BCAT1: variants seen among roughly 807,000 people sequenced by gnomAD.
BCAT1 encodes branched-chain-amino-acid aminotransferase, cytosolic.
Under a neutral mutation model 52.4 loss-of-function variants are expected in BCAT1, and 48 were observed. That is an observed-to-expected ratio of 0.92 (90% CI 0.73 to 1.16). The LOEUF (loss-of-function observed/expected upper bound fraction) is 1.16, where lower values mean the gene tolerates loss of function less well. Ranked by LOEUF, BCAT1 falls within the 50% of genes most tolerant of loss-of-function variation. BCAT1 has a pLI of 0.00. For synonymous variants in BCAT1, 167 were observed against 161.3 expected (o/e 1.04, Z -0.27); for missense variants, 451 against 457.1 (o/e 0.99, Z 0.12).
chr12:24,933,166 G>A (rs1328765901), intron 1 of BCAT1, among the ~76,000 whole-genome samples: 3 of 110,568 alleles, frequency 2.7e-5, no homozygotes, highest in African/African-American at 7.1e-5. Flanking sequence ...ATGAGGTTTC[G>A]CTATGTTGGC....
chr12:24,860,839 T>G (rs1475479183), intron 5 of BCAT1, among the ~76,000 whole-genome samples: 1 of 152,196 alleles, frequency 6.6e-6, no homozygotes, highest in Non-Finnish European at 1.5e-5. Flanking sequence ...ACACAACTCA[T>G]ACAAGTATTT....
chr12:24,842,327 A>AT, intron 6 of BCAT1, 103 bp from the exon 7 acceptor site: 1 of 1,293,640 alleles, frequency 7.7e-7, no homozygotes, highest in Non-Finnish European at 1.1e-6. Flanking sequence ...ATGTGGACAT[A>AT]GTGAAGGTAT....
intron 5 of BCAT1, among the ~76,000 whole-genome samples, chr12:24,852,095 C>A (rs1453772559): frequency 6.6e-6 from 1 of 152,106 alleles, no homozygotes; most frequent in East Asian, 1.9e-4. Context: ...TGTGGCACTT[C>A]CCCTGTGCTC....
intron 1 of BCAT1, among the ~76,000 whole-genome samples, chr12:24,935,057 G>A (rs2139750352): frequency 6.6e-6 from 1 of 152,284 alleles, no homozygotes; most frequent in South Asian, 2.1e-4. Context: ...AGTGACTGCA[G>A]GACATGACTG....
At chr12:24,851,536 A>T (rs541615842) in intron 5 of BCAT1, among the ~76,000 whole-genome samples, 4 of 152,346 alleles carry the variant, frequency 2.6e-5, no homozygotes, top group Admixed American at 2.0e-4. Flanking sequence ...AGGTAATTTC[A>T]TTAGCATTCC....
rs1264935361 is a variant in BCAT1, at chr12:24,836,934, GAA to G, written c.818-340_818-339del. ...AGAAAGAAAGAAAGAAAGAAAGAAA[GAA>G]AGAAAGAAAGAAAGAAAGAAAAGAG... On this transcript the variant is annotated intron_variant, in intron 7 of 10. Transcript: ENST00000261192. 3.0e-4 allele frequency among the ~76,000 whole-genome samples: 32 copies of G among 106,348 alleles called. 2 individuals are homozygous for G. Among genetic ancestry groups the G allele is most frequent in the African/African-American group, 1.0e-3 (32 of 30,642 alleles). 69.8% of individuals were successfully genotyped at this position (106,348 alleles called of 152,430 possible). A position where few individuals can be genotyped will look rare whatever the true frequency, so the allele number is the denominator to read the frequency against.
intron 5 of BCAT1, among the ~76,000 whole-genome samples, chr12:24,873,506 T>C (rs1182233411): frequency 2.0e-5 from 3 of 152,248 alleles, no homozygotes; most frequent in Non-Finnish European, 4.4e-5. Context: ...ATACTGATGC[T>C]ATACATTCAG....
At chr12:24,893,237 G>A (rs978903872) in intron 3 of BCAT1, among the ~76,000 whole-genome samples, 8 of 152,116 alleles carry the variant, frequency 5.3e-5, no homozygotes, top group African/African-American at 1.9e-4. Flanking sequence ...TGCTTCAAGA[G>A]TTAATTATTA....
chr12:24,878,500 A>C (rs747414941), intron 5 of BCAT1, 30 bp downstream of exon 5: 1 of 1,591,272 alleles, frequency 6.3e-7, no homozygotes, highest in African/African-American at 1.4e-5. Flanking sequence ...TGCCCAGCAA[A>C]GTACCCCAAA....
intron 5 of BCAT1, among the ~76,000 whole-genome samples, chr12:24,853,452 AG>A (rs1206338853): frequency 3.3e-5 from 5 of 152,180 alleles, no homozygotes; most frequent in Non-Finnish European, 7.4e-5. Flanking sequence ...ATTCCAAAAG[AG>A]GGGGAGGGGA....
chr12:24,867,017 G>C (rs1942039711), intron 5 of BCAT1, among the ~76,000 whole-genome samples: 1 of 152,120 alleles, frequency 6.6e-6, no homozygotes, highest in African/African-American at 2.4e-5. Flanking sequence ...TCACTGGGAA[G>C]GTCTGCAGCT....
At chr12:24,853,980 T>C (rs1941590933) in intron 5 of BCAT1, among the ~76,000 whole-genome samples, 1 of 152,232 alleles carries the variant, frequency 6.6e-6, no homozygotes, top group South Asian at 2.1e-4. Flanking sequence ...AATGATGATG[T>C]GTTTAAAAAA....
intron 1 of BCAT1, among the ~76,000 whole-genome samples, chr12:24,942,924 G>T (rs1943870286): frequency 6.6e-6 from 1 of 152,218 alleles, no homozygotes; most frequent in Non-Finnish European, 1.5e-5. Context: ...CAAACCATTG[G>T]TTGTTTATCT....
chr12:24,825,214 A>G (rs1217915019), intron 10 of BCAT1, among the ~76,000 whole-genome samples: 1 of 151,912 alleles, frequency 6.6e-6, no homozygotes, highest in East Asian at 1.9e-4. Context: ...GGTTAATTCC[A>G]TATCTTGGCT....
rs938419779 is a variant in BCAT1, at chr12:24,948,973, G to T, written c.-41C>A. ...GAGGGAAGCTCGAGCTGAGCGGAGG[G>T]CAGATCCCAAGGGTCGTAGCCCCTG... is the stretch of plus-strand genomic sequence containing the variant. On this transcript the variant is annotated 5_prime_UTR_variant, in exon 1 of 11. Coordinates refer to ENST00000261192, the MANE Select transcript of BCAT1 (RefSeq NM_005504.7). 1.9e-6 allele frequency: 3 copies of T among 1,583,322 alleles called. No individual in the cohort carries two copies. The highest frequency in any genetic ancestry group is 2.6e-6 in the Non-Finnish European group (3 of 1,164,370).
chr12:24,824,861 G>A (rs1317360601), intron 10 of BCAT1, among the ~76,000 whole-genome samples: 1 of 151,892 alleles, frequency 6.6e-6, no homozygotes, highest in Non-Finnish European at 1.5e-5. Flanking sequence ...TCAGTTTAAT[G>A]GTAATAAATA....
At chr12:24,883,462 G>A (rs1425963430) in intron 3 of BCAT1, among the ~76,000 whole-genome samples, 1 of 152,092 alleles carries the variant, frequency 6.6e-6, no homozygotes, top group African/African-American at 2.4e-5. Context: ...AGGGCTGAGT[G>A]AGATGGCTCA....
chr12:24,911,714 C>A (rs596765), intron 1 of BCAT1, among the ~76,000 whole-genome samples: 16 of 152,122 alleles, frequency 1.1e-4, no homozygotes, highest in African/African-American at 3.9e-4. Context: ...CCCCACCCCT[C>A]GTCCTCATTT....
intron 1 of BCAT1, among the ~76,000 whole-genome samples, chr12:24,938,234 G>C (rs1232829577): frequency 1.3e-5 from 2 of 152,144 alleles, no homozygotes; most frequent in Non-Finnish European, 2.9e-5. Flanking sequence ...TACTGGGCAG[G>C]GTGAAGGGCA....
Sources: gnomAD v4.1 joint callset for allele counts (sites outside exome capture counted in the v4.1 genomes callset) on GRCh38, gnomAD v4.1.1 for gene constraint, MANE v1.5 for transcripts, NCBI Gene and HGNC (gene_info 2026-07-23, HGNC 2026-07-21) for gene names.